The following UBE2G2 variants were observed in gnomAD, a reference collection of about 807,000 sequenced individuals.
UBE2G2 encodes ubiquitin conjugating enzyme E2 G2.
A neutral mutation model predicts 23.0 loss-of-function variants in UBE2G2; 10 were observed. The observed-to-expected ratio is 0.43, with a 90% CI of 0.27 to 0.74. The LOEUF (loss-of-function observed/expected upper bound fraction) is 0.74. UBE2G2 is among the 30% of genes least tolerant of loss of function. The probability of loss-of-function intolerance (pLI) is 0.19; values close to 1 mark genes in which losing one functional copy is unlikely to be tolerated. For missense variants in UBE2G2, 150 were observed against 218.3 expected (o/e 0.69, Z 1.97); for synonymous variants, 86 against 81.3 (o/e 1.06, Z -0.31).
intron 1 of UBE2G2, among the ~76,000 whole-genome samples, chr21:44,789,592 G>A (rs1164698929): frequency 6.6e-6 from 1 of 151,854 alleles, no homozygotes; most frequent in East Asian, 1.9e-4. Flanking sequence ...GAGGCAAAGG[G>A]CAGTCTTTTC....
intron 3 of UBE2G2, among the ~76,000 whole-genome samples, chr21:44,779,371 T>TGGGGGGGGGGGGGG (rs375243003): frequency 5.3e-5 from 4 of 75,376 alleles, no homozygotes; most frequent in Admixed American, 3.1e-4. Flanking sequence ...GGAGCTGGGG[T>TGGGGGGGGGGGGGG]GGGGGGGGGG....
At chr21:44,788,279 G>GTTTGT (rs2083013354) in intron 1 of UBE2G2, among the ~76,000 whole-genome samples, 184 bp from the exon 2 acceptor site, 1 of 121,722 alleles carries the variant, frequency 8.2e-6, no homozygotes, top group Non-Finnish European at 1.9e-5. Flanking sequence ...ACTACACAAA[G>GTTTGT]TTTTTTTGTT....
At chr21:44,787,672 T>A (rs1283137684) in intron 3 of UBE2G2, among the ~76,000 whole-genome samples, 1 of 152,226 alleles carries the variant, frequency 6.6e-6, no homozygotes, top group African/African-American at 2.4e-5. Context: ...AACTCTCAAA[T>A]ATATAATACA....
intron 4 of UBE2G2, chr21:44,774,740 A>G (rs1010743275): frequency 3.7e-5 from 17 of 455,896 alleles, no homozygotes; most frequent in Admixed American, 7.1e-5. Context: ...CAGGCTGTCC[A>G]CCTAAGATCC....
chr21:44,775,721 A>G (rs1161320562), intron 4 of UBE2G2, among the ~76,000 whole-genome samples: 1 of 152,248 alleles, frequency 6.6e-6, no homozygotes. Context: ...ATACAATCTT[A>G]GTATTTTAAT....
chr21:44,787,474 G>T (rs1190604721), intron 3 of UBE2G2, among the ~76,000 whole-genome samples: 1 of 152,212 alleles, frequency 6.6e-6, no homozygotes, highest in Non-Finnish European at 1.5e-5. Context: ...AGAAAAAGAA[G>T]TCCTGGCCCA....
chr21:44,790,663 G>A (rs756149546), intron 1 of UBE2G2, among the ~76,000 whole-genome samples: 2 of 152,070 alleles, frequency 1.3e-5, no homozygotes, highest in South Asian at 2.1e-4. Flanking sequence ...CTTCCCCTTC[G>A]GCTTCTGTCA....
chr21:44,784,472 CTT>C (rs1206625623), intron 3 of UBE2G2, among the ~76,000 whole-genome samples: 1 of 152,148 alleles, frequency 6.6e-6, no homozygotes, highest in Non-Finnish European at 1.5e-5. Context: ...CTTTGTGACA[CTT>C]TTGTTGAAGA....
chr21:44,783,116 G>A (rs1379615247), intron 3 of UBE2G2, among the ~76,000 whole-genome samples: 2 of 152,166 alleles, frequency 1.3e-5, no homozygotes, highest in African/African-American at 4.8e-5. Flanking sequence ...ATGGGGAAAA[G>A]TTCTGAAGTT....
intron 1 of UBE2G2, among the ~76,000 whole-genome samples, chr21:44,793,809 T>C (rs868941040): frequency 8.5e-5 from 13 of 152,132 alleles, no homozygotes; most frequent in African/African-American, 2.9e-4. Flanking sequence ...ACAGATAACA[T>C]TGGTGAAGAT....
At chr21:44,787,054 C>T (rs1169983645) in intron 3 of UBE2G2, among the ~76,000 whole-genome samples, 6 of 150,278 alleles carry the variant, frequency 4.0e-5, no homozygotes, top group South Asian at 2.1e-4. Context: ...GTTGTGCCAC[C>T]GCACTCCAGC....
At chr21:44,779,653 C>T (rs2082941808) in intron 3 of UBE2G2, among the ~76,000 whole-genome samples, 1 of 152,222 alleles carries the variant, frequency 6.6e-6, no homozygotes, top group Non-Finnish European at 1.5e-5. Flanking sequence ...CACCATGTAT[C>T]AGAGTGAGGC....
intron 1 of UBE2G2, among the ~76,000 whole-genome samples, chr21:44,791,546 C>T (rs2146401561): frequency 6.6e-6 from 1 of 152,308 alleles, no homozygotes; most frequent in South Asian, 2.1e-4. Flanking sequence ...CCTGTGGGTG[C>T]AAAGAATTCA....
At chr21:44,774,300 A>G (rs555232931) in intron 4 of UBE2G2, 1 of 154,944 alleles carries the variant, frequency 6.5e-6, no homozygotes, top group African/African-American at 2.4e-5. Context: ...TTAAAAAGAT[A>G]CACAAGGTCT....
At chr21:44,793,114 T>C (rs1381892647) in intron 1 of UBE2G2, among the ~76,000 whole-genome samples, 1 of 152,238 alleles carries the variant, frequency 6.6e-6, no homozygotes, top group Non-Finnish European at 1.5e-5. Context: ...TCTAGTCCCA[T>C]TCTTGTGTCT....
chr21:44,773,323 G>T (rs1332961150), intron 5 of UBE2G2, among the ~76,000 whole-genome samples: 4 of 152,212 alleles, frequency 2.6e-5, no homozygotes, highest in African/African-American at 9.7e-5. Context: ...AAGGACCAGA[G>T]ACCAGTTAAT....
At chr21:44,794,386 A>G (rs1398757475) in intron 1 of UBE2G2, among the ~76,000 whole-genome samples, 2 of 152,246 alleles carry the variant, frequency 1.3e-5, no homozygotes, top group Admixed American at 1.3e-4. Context: ...ACAAGAGCTG[A>G]AACTATAAAA....
At chr21:44,789,787 C>T (rs1306738032) in intron 1 of UBE2G2, among the ~76,000 whole-genome samples, 1 of 152,048 alleles carries the variant, frequency 6.6e-6, no homozygotes. Context: ...ATGTTGAATC[C>T]TAATGTATGT....
In UBE2G2 at chr21:44,772,929, T is replaced by A. The variant is rs915584892; in HGVS notation, c.385+618A>T. Among the ~76,000 whole-genome samples, 4 of 152,218 alleles carry A rather than the reference T, an allele frequency of 2.6e-5. No homozygotes were observed. The East Asian group carries it at 7.7e-4, about 29-fold the overall frequency. ...CCCAACTCCAATCCCCAGGGTCTGC[T>A]GGGGCTCCTCTCCCTGCAGCCTTGG... On this transcript the variant is annotated intron_variant, in intron 5 of 5. Coordinates refer to ENST00000345496, the MANE Select transcript of UBE2G2 (RefSeq NM_003343.6). The surrounding 1 kb of genome is among the most constrained non-coding windows in gnomAD (Gnocchi z 5.4).
Sources: allele counts gnomAD v4.1 joint callset (sites outside exome capture counted in the v4.1 genomes callset), GRCh38; gene constraint gnomAD v4.1.1; non-coding constraint Gnocchi (gnomAD v3.1); transcripts MANE v1.5; gene names NCBI Gene and HGNC (gene_info 2026-07-23, HGNC 2026-07-21).